Variants in CAMTA1 observed in about 807,000 individuals in gnomAD.
The protein encoded by CAMTA1 is calmodulin binding transcription activator 1, also known as calmodulin-binding transcription activator 1.
A neutral mutation model predicts 170.9 loss-of-function variants in CAMTA1; 27 were observed. The observed-to-expected ratio is 0.16, with a 90% CI of 0.12 to 0.22. The LOEUF (loss-of-function observed/expected upper bound fraction) is 0.22. Ranked by LOEUF, CAMTA1 falls within the 10% of genes least tolerant of loss-of-function variation. The probability of loss-of-function intolerance (pLI) is 1.00; values close to 1 mark genes in which losing one functional copy is unlikely to be tolerated. For synonymous variants in CAMTA1, 833 were observed against 891.5 expected, an observed-to-expected ratio of 0.93 and a Z score of 1.17; for missense variants, 1,619 against 2,217.2, an observed-to-expected ratio of 0.73 and a Z score of 5.42.
At chr1:7,594,625 G>A (rs1458946865) in intron 6 of CAMTA1, among the ~76,000 whole-genome samples, 1 of 152,214 alleles carries the variant, frequency 6.6e-6, no homozygotes, top group Non-Finnish European at 1.5e-5. Context: ...AGACAAGAGA[G>A]GGTGGTGACT....
intron 5 of CAMTA1, among the ~76,000 whole-genome samples, chr1:7,253,590 C>G (rs1039861922): frequency 7.2e-5 from 11 of 152,166 alleles, no homozygotes; most frequent in African/African-American, 2.4e-4. Context: ...GGTATATCAT[C>G]TCATTGAATC....
At chr1:6,831,328 A>G (rs1650058352) in intron 3 of CAMTA1, among the ~76,000 whole-genome samples, 1 of 152,258 alleles carries the variant, frequency 6.6e-6, no homozygotes, top group African/African-American at 2.4e-5. Context: ...TCACATCTTC[A>G]TCAGGTGAAC....
chr1:7,614,441 C>G (rs1219414431), intron 6 of CAMTA1, among the ~76,000 whole-genome samples: 1 of 151,540 alleles, frequency 6.6e-6, no homozygotes, highest in Non-Finnish European at 1.5e-5. Context: ...AGAACTGACT[C>G]TCTTCTGGAA....
chr1:7,506,494 C>A (rs2094112948), intron 6 of CAMTA1, among the ~76,000 whole-genome samples: 1 of 151,906 alleles, frequency 6.6e-6, no homozygotes. Flanking sequence ...ACTAACACTT[C>A]ATACTGAAAC....
chr1:7,524,837 C>G (rs976521525), intron 6 of CAMTA1, among the ~76,000 whole-genome samples: 1 of 152,082 alleles, frequency 6.6e-6, no homozygotes, highest in Admixed American at 6.5e-5. Context: ...TTTTGACTCG[C>G]AATCCTGTCC....
intron 3 of CAMTA1, among the ~76,000 whole-genome samples, chr1:6,858,164 A>G (rs1663148112): frequency 6.6e-6 from 1 of 152,226 alleles, no homozygotes; most frequent in Non-Finnish European, 1.5e-5. Flanking sequence ...GATATCTCCA[A>G]TTCAAATTAC....
chr1:6,948,371 T>G (rs1687902401), intron 3 of CAMTA1, among the ~76,000 whole-genome samples: 1 of 152,212 alleles, frequency 6.6e-6, no homozygotes, highest in East Asian at 1.9e-4. Flanking sequence ...AGCTCCTCTC[T>G]GTGTACCGGC....
At position 7,196,898 on chromosome 1, in the gene CAMTA1, A is replaced by G. The variant is rs1345765416; in HGVS notation, c.303-52593A>G. Among the ~76,000 whole-genome samples the G allele has an allele frequency of 3.3e-5, 5 of 152,348 alleles. No individual in the cohort carries two copies. The East Asian group carries it at 9.6e-4, about 29-fold the overall frequency. On this transcript the variant is annotated intron_variant, in intron 4 of 22. Coordinates refer to ENST00000303635, the MANE Select transcript of CAMTA1 (RefSeq NM_015215.4). ...CAGTTTCAGTCCTCGGTTGTAATGA[A>G]AAGGCATTAATTGCTTGGTTCCTTG...
intron 3 of CAMTA1, among the ~76,000 whole-genome samples, chr1:7,003,144 A>T (rs1698486112): frequency 6.6e-6 from 1 of 152,242 alleles, no homozygotes; most frequent in East Asian, 1.9e-4. Context: ...CCCCTTGCTC[A>T]GTTGTGACAA....
At chr1:6,991,699 C>T (rs1442632082) in intron 3 of CAMTA1, among the ~76,000 whole-genome samples, 1 of 151,732 alleles carries the variant, frequency 6.6e-6, no homozygotes, top group Admixed American at 6.6e-5. Context: ...TTTGTTTATC[C>T]ATTCATTCAT....
intron 11 of CAMTA1, among the ~76,000 whole-genome samples, chr1:7,679,735 G>A (rs2149295476): frequency 6.6e-6 from 1 of 152,376 alleles, no homozygotes; most frequent in East Asian, 1.9e-4. Context: ...CCACCAGCCA[G>A]GGCACAGCTA....
chr1:7,469,391 G>T lies in CAMTA1; in HGVS notation c.510+1490G>T, dbSNP rs185179499. 5.9e-5 allele frequency among the ~76,000 whole-genome samples: 9 copies of T among 152,326 alleles called. No homozygotes were observed. In the East Asian group the frequency reaches 1.7e-3, roughly 29 times the overall value. ...CGATGAAGGGTGGGGTTCCACCCGA[G>T]GCCAGAGTTCTGGCGGCTGAGTCAG... On this transcript the variant is annotated intron_variant, in intron 6 of 22. Coordinates refer to ENST00000303635, the MANE Select transcript of CAMTA1 (RefSeq NM_015215.4).
intron 21 of CAMTA1, among the ~76,000 whole-genome samples, chr1:7,754,422 A>G (rs1173536535): frequency 1.3e-5 from 2 of 152,220 alleles, no homozygotes; most frequent in Non-Finnish European, 2.9e-5. Flanking sequence ...ATAAAGTCCT[A>G]CACTCATCTC....
intron 3 of CAMTA1, among the ~76,000 whole-genome samples, chr1:6,988,215 C>T (rs2100358017): frequency 6.6e-6 from 1 of 152,178 alleles, no homozygotes; most frequent in South Asian, 2.1e-4. Context: ...TGCGGGTGCG[C>T]TGGGTGATTC....
At chr1:6,884,868 G>C (rs1186755282) in intron 3 of CAMTA1, among the ~76,000 whole-genome samples, 4 of 152,204 alleles carry the variant, frequency 2.6e-5, no homozygotes, top group Admixed American at 2.6e-4. Flanking sequence ...ATCATTAACT[G>C]TGTTGCTTTC....
At chr1:7,459,571 G>A (rs2093035252) in intron 5 of CAMTA1, among the ~76,000 whole-genome samples, 1 of 152,152 alleles carries the variant, frequency 6.6e-6, no homozygotes, top group African/African-American at 2.4e-5. Context: ...CCCCTTCTGT[G>A]AGCCCCACAG....
chr1:7,410,874 C>T (rs763166), intron 5 of CAMTA1, among the ~76,000 whole-genome samples: 139,237 of 152,124 alleles, frequency 0.92, 63,794 homozygotes, highest in East Asian at 0.99. Context: ...TGTGGGTTCC[C>T]AACGTGCATG....
intron 6 of CAMTA1, among the ~76,000 whole-genome samples, chr1:7,564,425 G>A (rs1032684302): frequency 6.6e-6 from 1 of 152,216 alleles, no homozygotes; most frequent in Non-Finnish European, 1.5e-5. Flanking sequence ...GCCTTCACAG[G>A]GCAAGTGGCT....
intron 5 of CAMTA1, among the ~76,000 whole-genome samples, chr1:7,331,341 G>C (rs1400672626): frequency 1.3e-5 from 2 of 152,194 alleles, no homozygotes; most frequent in Non-Finnish European, 2.9e-5. Flanking sequence ...GTACCCCTGA[G>C]GGCAGCAGCA....
Sources: gnomAD v4.1 joint callset for allele counts (sites outside exome capture counted in the v4.1 genomes callset) on GRCh38, gnomAD v4.1.1 for gene constraint, MANE v1.5 for transcripts, NCBI Gene and HGNC (gene_info 2026-07-23, HGNC 2026-07-21) for gene names.